NLRP2: variants seen among roughly 807,000 people sequenced by gnomAD.
NLRP2 encodes the protein NACHT, LRR and PYD domains-containing protein 2.
A neutral mutation model predicts 97.2 loss-of-function variants in NLRP2; 107 were observed. That is an observed-to-expected ratio of 1.10 (90% CI 0.94 to 1.29). The LOEUF is 1.29. NLRP2 is among the 50% of genes most tolerant of loss of function. The pLI, the probability that NLRP2 is intolerant of heterozygous loss-of-function variation, is 0.00. For synonymous variants in NLRP2, 663 were observed against 551.5 expected (o/e 1.20, Z -2.83); for missense variants, 1,495 against 1,330.3 (o/e 1.12, Z -1.93).
intron 3 of NLRP2, among the ~76,000 whole-genome samples, chr19:54,977,232 AC>A (rs1369889155): frequency 6.6e-6 from 1 of 151,968 alleles, no homozygotes; most frequent in Non-Finnish European, 1.5e-5. Flanking sequence ...GACCAGCCTG[AC>A]CAACGTAGAG....
In NLRP2 at chr19:54,985,148, T is replaced by G. The variant is rs769716258; in HGVS notation, c.2132T>G (p.Leu711Arg). The change falls in exon 7 of 13, where the codon CTC (leucine) becomes CGC (arginine). Residue 711 changes from leucine to arginine, a missense_variant. By Grantham distance (102) the Leu-to-Arg change is moderately radical. Coordinates refer to ENST00000448584, the MANE Select transcript of NLRP2 (RefSeq NM_017852.5). The stretch of plus-strand genomic sequence containing the variant: ...GGTCTAGCAATCAATGATAGCTTTC[T>G]CAGTGCCTCCCTAGTAAGGATCCTG... Reference protein sequence around the residue: ...LMGLAINDSFLSASLVRILCE... With the variant: ...LMGLAINDSFRSASLVRILCE... 5 of 1,614,090 alleles carry G rather than the reference T, an allele frequency of 3.1e-6. No individual in the cohort carries two copies. In the South Asian group the frequency reaches 4.4e-5, roughly 14 times the overall value.
In NLRP2 at chr19:54,983,251, A is replaced by T. The variant is rs1250330847; in HGVS notation, c.1553A>T (p.Glu518Val). 3 of 1,613,248 alleles carry T rather than the reference A, an allele frequency of 1.9e-6. No individual in the cohort carries two copies. The highest frequency in any genetic ancestry group is 2.5e-6 in the Non-Finnish European group (3 of 1,179,306). The change falls in exon 6 of 13, where the codon GAG becomes GTG. Residue 518 changes from glutamate to valine, a missense_variant. Physicochemically the swap from Glu to Val is moderately radical, Grantham distance 121 (BLOSUM62 -2). Coordinates refer to ENST00000448584, the MANE Select transcript of NLRP2 (RefSeq NM_017852.5). ...QFLTALFYTL[E>V]KEEEEDRDGH... ...CTCACTGCCCTGTTCTACACCCTGG[A>T]GAAGGAGGAGGAAGAGGATAGGGAC...
intron 10 of NLRP2, chr19:54,990,931 T>C: frequency 1.9e-6 from 1 of 537,316 alleles, no homozygotes; most frequent in Non-Finnish European, 3.3e-6. Flanking sequence ...TATGTATGTA[T>C]TTTAGAGATG....
At chr19:54,977,016 T>C (rs755477977) in intron 3 of NLRP2, 5 of 332,810 alleles carry the variant, frequency 1.5e-5, no homozygotes, top group Non-Finnish European at 2.3e-5. Flanking sequence ...GGCTTCACCA[T>C]GTTGGCCGGG....
Position 54,997,455 on chromosome 19 carries a change from G to A in NLRP2, c.3018G>A (p.Leu1006=). 1 of 1,614,174 alleles carries A rather than the reference G, an allele frequency of 6.2e-7. No homozygotes were observed. Among genetic ancestry groups the A allele is most frequent in the Non-Finnish European group, 8.5e-7 (1 of 1,180,022 alleles). Residue 1006 remains leucine, a synonymous_variant, in exon 12 of 13, where the codon TTG becomes TTA. Transcript: ENST00000448584. The stretch of plus-strand genomic sequence containing the variant: ...GAGTGAAGATGCTGTTTGAAACCTT[G>A]ACATGTTCCAGTGGCACCCTCCGGA... ...SSGVKMLFET[L]TCSSGTLRTL...
At chr19:54,984,967 G>A (rs199475718) in intron 6 of NLRP2, 80 bp from the exon 7 acceptor site, 2 of 1,340,670 alleles carry the variant, frequency 1.5e-6, no homozygotes, top group Admixed American at 3.4e-5. Flanking sequence ...TTTGTCAGGG[G>A]TATATGCCCA....
chr19:54,970,968 C>T (rs1602299651), intron 2 of NLRP2, among the ~76,000 whole-genome samples: 1 of 79,740 alleles, frequency 1.3e-5, no homozygotes, highest in South Asian at 6.1e-4. Flanking sequence ...CTATCCCTCC[C>T]CCCTCCCCCC....
In NLRP2 at chr19:54,990,538, G is replaced by A. The variant is rs1371008702; in HGVS notation, c.2574G>A (p.Lys858=). Residue 858 remains lysine, a synonymous_variant, in exon 10 of 13, where the codon AAG becomes AAA. Coordinates refer to ENST00000448584, the MANE Select transcript of NLRP2 (RefSeq NM_017852.5). ...ENCHLTEANC[K]DLAAVLVVSR... Reference sequence around the variant, plus strand: ...GTCACCTTACAGAAGCCAATTGCAAGGACCTTGCTGCTGTGTTGGTTGTCA... The same window carrying A: ...GTCACCTTACAGAAGCCAATTGCAAAGACCTTGCTGCTGTGTTGGTTGTCA... The A allele has an allele frequency of 6.2e-7, 1 of 1,614,070 alleles. No individual in the cohort carries two copies. The highest frequency in any genetic ancestry group is 8.5e-7 in the Non-Finnish European group (1 of 1,180,056).
At position 54,986,133 on chromosome 19, in the gene NLRP2, T is replaced by C. The variant is rs755330329; in HGVS notation, c.2202-18T>C. On this transcript the variant is annotated intron_variant, in intron 7 of 12. Coordinates refer to ENST00000448584, the MANE Select transcript of NLRP2 (RefSeq NM_017852.5). The stretch of plus-strand genomic sequence containing the variant: ...GGTGTACACACTAAAGATTTCACTT[T>C]CGTTCTCTTTTCCCTAGGTTCAAAA... The C allele has an allele frequency of 2.9e-5, 47 of 1,593,780 alleles. No individual in the cohort carries two copies. The highest frequency in any genetic ancestry group is 4.0e-5 in the Non-Finnish European group (46 of 1,161,772).
intron 1 of NLRP2, among the ~76,000 whole-genome samples, chr19:54,966,922 C>A (rs1319773173): frequency 1.4e-5 from 2 of 146,106 alleles, no homozygotes; most frequent in Non-Finnish European, 3.0e-5. Flanking sequence ...GCTCACTGAA[C>A]CCTTGACCTC....
rs188281083 is a variant in NLRP2 at position 54,997,780 on chromosome 19, G to A, written c.3050+293G>A. Among the ~76,000 whole-genome samples the A allele has an allele frequency of 2.0e-3, 304 of 150,694 alleles. 3 individuals are homozygous for A. The highest frequency in any genetic ancestry group is 6.8e-3 in the African/African-American group (278 of 41,000). ...ACCTTTTTTTTTTTTTTCCTTTGAG[G>A]CAAGAACTCACTATGTTCCCCAGGC... On this transcript the variant is annotated intron_variant, in intron 12 of 12. Coordinates refer to ENST00000448584, the MANE Select transcript of NLRP2 (RefSeq NM_017852.5).
intron 11 of NLRP2, among the ~76,000 whole-genome samples, chr19:54,996,635 A>G (rs112171632): frequency 0.014 from 2,091 of 152,146 alleles, 31 homozygotes; most frequent in Non-Finnish European, 0.019. Flanking sequence ...CTGCTTACCT[A>G]TGACCTCATC....
intron 1 of NLRP2, among the ~76,000 whole-genome samples, chr19:54,967,936 T>TTTTTTG (rs2070577612): frequency 6.9e-6 from 1 of 144,404 alleles, no homozygotes; most frequent in Non-Finnish European, 1.5e-5. Context: ...TTTTTTTTTT[T>TTTTTTG]GAGACAAAGT....
Position 54,985,124 on chromosome 19 carries a change from G to T in NLRP2, c.2108G>T (p.Gly703Val). ...TTTGGATCAAATAAGGATCTGATGG[G>T]TCTAGCAATCAATGATAGCTTTCTC... The part of the protein sequence containing the change: ...SIFGSNKDLM[G>V]LAINDSFLSA... The change falls in exon 7 of 13, where the codon GGT becomes GTT. Residue 703 changes from glycine to valine, a missense_variant. Coordinates refer to ENST00000448584, the MANE Select transcript of NLRP2 (RefSeq NM_017852.5). The T allele has an allele frequency of 1.2e-6, 2 of 1,614,098 alleles. No individual in the cohort carries two copies. The highest frequency in any genetic ancestry group is 1.7e-6 in the Non-Finnish European group (2 of 1,179,990).
intron 1 of NLRP2, among the ~76,000 whole-genome samples, chr19:54,969,293 G>A (rs2070690808): frequency 7.0e-6 from 1 of 142,858 alleles, no homozygotes; most frequent in Non-Finnish European, 1.6e-5. Context: ...GGCCAACTTG[G>A]TGAAACCCCC....
rs763466159 is a variant in NLRP2 at position 54,982,522 on chromosome 19, A to T, written c.824A>T (p.His275Leu). Reference protein sequence around the residue: ...DWPELQDDIPHILAQARKILF... With the variant: ...DWPELQDDIPLILAQARKILF... ...CCTGAATTGCAGGATGACATTCCAC[A>T]CATCCTAGCCCAAGCACGGAAAATC... The change falls in exon 6 of 13, where the codon CAC (histidine) becomes CTC (leucine). Residue 275 changes from histidine to leucine, a missense_variant. Transcript: ENST00000448584. 1 of 1,614,126 alleles carries T rather than the reference A, an allele frequency of 6.2e-7. No individual in the cohort carries two copies. The highest frequency in any genetic ancestry group is 8.5e-7 in the Non-Finnish European group (1 of 1,180,026).
chr19:54,993,928 T>A (rs1210679978), intron 10 of NLRP2: 2 of 397,936 alleles, frequency 5.0e-6, no homozygotes, highest in Non-Finnish European at 4.6e-6. Context: ...AACGTTGCCC[T>A]GGCTCCCTTA....
chr19:54,977,870 C>A (rs752563651), intron 4 of NLRP2, 47 bp downstream of exon 4: 1 of 1,542,866 alleles, frequency 6.5e-7, no homozygotes, highest in Admixed American at 1.7e-5. Flanking sequence ...GGAAGCCCCC[C>A]GTTCTTGCTG....
chr19:54,988,197 C>T (rs2072224046), intron 8 of NLRP2, among the ~76,000 whole-genome samples: 1 of 152,168 alleles, frequency 6.6e-6, no homozygotes, highest in African/African-American at 2.4e-5. Context: ...GCTATCATTA[C>T]TAACCGTTGC....
Sources: allele counts gnomAD v4.1 joint callset (sites outside exome capture counted in the v4.1 genomes callset), GRCh38; gene constraint gnomAD v4.1.1; transcripts MANE v1.5; gene names NCBI Gene and HGNC (gene_info 2026-07-23, HGNC 2026-07-21).